Variants in AP2A2 observed in about 807,000 individuals in gnomAD.
The protein encoded by AP2A2 is AP-2 complex subunit alpha-2.
AP2A2 carries 32 observed loss-of-function variants against 104.2 expected under a neutral mutation model. That is an observed-to-expected ratio of 0.31 (90% confidence interval 0.23 to 0.41). The LOEUF (loss-of-function observed/expected upper bound fraction) is 0.41, where lower values mean the gene tolerates loss of function less well. Among genes scored for constraint, AP2A2 ranks in the 10% least tolerant of loss-of-function variants. The probability of loss-of-function intolerance (pLI) is 1.00; values close to 1 mark genes in which losing one functional copy is unlikely to be tolerated. For synonymous variants in AP2A2, 539 were observed against 533.3 expected, an observed-to-expected ratio of 1.01 and a Z score of -0.15; for missense variants, 912 against 1,261.0, an observed-to-expected ratio of 0.72 and a Z score of 4.19.
rs535331129 is a variant in AP2A2 at position 957,417 on chromosome 11, C to G, written c.68-2020C>G. Among the ~76,000 whole-genome samples the G allele has an allele frequency of 2.6e-5, 4 of 152,368 alleles. 1 individual carries two copies. Among genetic ancestry groups the G allele is most frequent in the South Asian group, 2.1e-4 (1 of 4,832 alleles). ...CCTGTCTGTGCAGATTCTTCCCGGC[C>G]TATCTGTGCGGCGTTCCTTCCCCCG... On this transcript the variant is annotated intron_variant, in intron 1 of 21. Transcript: ENST00000448903.
At chr11:934,847 G>T (rs1480033644) in intron 1 of AP2A2, among the ~76,000 whole-genome samples, 1 of 151,710 alleles carries the variant, frequency 6.6e-6, no homozygotes, top group African/African-American at 2.4e-5. Flanking sequence ...TAGCAAGTAC[G>T]TGTTTCTTTT....
intron 4 of AP2A2, among the ~76,000 whole-genome samples, chr11:975,290 G>A (rs917261276): frequency 1.5e-4 from 23 of 152,020 alleles, no homozygotes; most frequent in Non-Finnish European, 2.8e-4. Context: ...CGTGTGAGCC[G>A]ACATCGGAGA....
chr11:985,370 G>T, intron 7 of AP2A2, 65 bp from the exon 8 acceptor site: 1 of 1,560,580 alleles, frequency 6.4e-7, no homozygotes, highest in Non-Finnish European at 8.7e-7. Flanking sequence ...GGGTGCAGCC[G>T]GGAGGGGCAG....
At chr11:976,565 T>C (rs4072741) in intron 4 of AP2A2, among the ~76,000 whole-genome samples, 76,696 of 151,852 alleles carry the variant, frequency 0.51, 20,002 homozygotes, top group Middle Eastern at 0.66. Flanking sequence ...ACAAGCATGT[T>C]GGCAGCAGAG....
intron 14 of AP2A2, among the ~76,000 whole-genome samples, chr11:998,131 C>T (rs574415417): frequency 1.9e-3 from 288 of 152,350 alleles, no homozygotes; most frequent in Non-Finnish European, 3.3e-3. Context: ...CAAAGCGCCG[C>T]CTTCAGATGG....
chr11:949,231 A>G (rs1853953902), intron 1 of AP2A2, among the ~76,000 whole-genome samples: 1 of 152,102 alleles, frequency 6.6e-6, no homozygotes, highest in African/African-American at 2.4e-5. Flanking sequence ...AGCCGAGATC[A>G]TGTCACTGCA....
rs1202751921 is a variant in AP2A2, at chr11:1,006,531, G to A, written c.2210G>A (p.Arg737Gln). 2.5e-6 allele frequency: 4 copies of A among 1,612,082 alleles called. No homozygotes were observed. Among genetic ancestry groups the A allele is most frequent in the African/African-American group, 1.3e-5 (1 of 74,850 alleles). ...LKSEFRQNLG[R>Q]MFIFYGNKTS... The stretch of plus-strand genomic sequence containing the variant: ...AAATTGTTTTTGTTCCTTCTAGGTC[G>A]GATGTTTATCTTTTATGGTAATAAG... The change falls in exon 17 of 22, where the codon CGG becomes CAG. Residue 737 changes from arginine to glutamine, a missense_variant. Arg to Gln is a conservative substitution (Grantham distance 43). Transcript: ENST00000448903.
chr11:954,020 A>G (rs1271238821), intron 1 of AP2A2, among the ~76,000 whole-genome samples: 2 of 151,944 alleles, frequency 1.3e-5, no homozygotes, highest in Non-Finnish European at 2.9e-5. Flanking sequence ...TTTTTAGTAG[A>G]GACGAGGTTT....
intron 14 of AP2A2, among the ~76,000 whole-genome samples, chr11:996,750 T>C (rs1257661110): frequency 6.6e-6 from 1 of 152,154 alleles, no homozygotes; most frequent in Non-Finnish European, 1.5e-5. Flanking sequence ...ATTTTCTGAG[T>C]GTGGCTTCAC....
chr11:996,984 T>C (rs1855878110), intron 14 of AP2A2, among the ~76,000 whole-genome samples: 1 of 151,904 alleles, frequency 6.6e-6, no homozygotes, highest in Non-Finnish European at 1.5e-5. Flanking sequence ...TATCCTGTGC[T>C]TTCCAATCTG....
At chr11:979,671 C>T (rs968172273) in intron 5 of AP2A2, among the ~76,000 whole-genome samples, 1 of 152,204 alleles carries the variant, frequency 6.6e-6, no homozygotes, top group African/African-American at 2.4e-5. Flanking sequence ...AGGCGATTGT[C>T]CTGCCTCAGC....
chr11:986,081 C>T (rs114068178), intron 8 of AP2A2, among the ~76,000 whole-genome samples: 4,219 of 152,330 alleles, frequency 0.028, 209 homozygotes, highest in African/African-American at 0.095. Context: ...TCAGCAGTTG[C>T]GGCGCACCAC....
intron 1 of AP2A2, among the ~76,000 whole-genome samples, chr11:952,875 A>G (rs2134533193): frequency 6.6e-6 from 1 of 152,278 alleles, no homozygotes; most frequent in East Asian, 1.9e-4. Flanking sequence ...GGGTGGTTGA[A>G]GTCCTCCTGT....
intron 5 of AP2A2, among the ~76,000 whole-genome samples, chr11:977,879 C>A (rs58401279): frequency 6.6e-6 from 1 of 152,190 alleles, no homozygotes; most frequent in African/African-American, 2.4e-5. Flanking sequence ...GCCGGTCACG[C>A]GTTCACAAGG....
At chr11:989,834 G>A (rs1402342146) in intron 10 of AP2A2, among the ~76,000 whole-genome samples, 2 of 152,188 alleles carry the variant, frequency 1.3e-5, no homozygotes, top group Non-Finnish European at 2.9e-5. Context: ...CGTGGGGTTC[G>A]CCACTGTGAC....
intron 21 of AP2A2, 138 bp downstream of exon 21, chr11:1,009,955 A>G (rs898802480): frequency 5.2e-6 from 6 of 1,156,688 alleles, no homozygotes; most frequent in East Asian, 2.6e-5. Context: ...CTGTCAATAC[A>G]TGGTTGCCTC....
intron 1 of AP2A2, among the ~76,000 whole-genome samples, chr11:938,289 A>T (rs772728389): frequency 6.6e-6 from 1 of 152,122 alleles, no homozygotes; most frequent in South Asian, 2.1e-4. Context: ...CCAAACCCCT[A>T]TACGATACTG....
At chr11:994,537 C>A (rs1219306821) in intron 14 of AP2A2, among the ~76,000 whole-genome samples, 1 of 139,904 alleles carries the variant, frequency 7.1e-6, no homozygotes, top group Non-Finnish European at 1.5e-5. Context: ...CCCTGCTGGA[C>A]GCCCCCCTGG....
intron 4 of AP2A2, 41 bp downstream of exon 4, chr11:972,296 C>G: frequency 1.3e-6 from 2 of 1,514,552 alleles, no homozygotes; most frequent in Non-Finnish European, 1.8e-6. Context: ...TGAAGATGTG[C>G]TGCTTTCATG....
Sources: allele counts gnomAD v4.1 joint callset (sites outside exome capture counted in the v4.1 genomes callset), GRCh38; gene constraint gnomAD v4.1.1; transcripts MANE v1.5; gene names NCBI Gene and HGNC (gene_info 2026-07-23, HGNC 2026-07-21).